SPOCK1: variants seen among roughly 807,000 people sequenced by gnomAD.
SPOCK1 encodes testican-1.
In SPOCK1, 23 loss-of-function variants were observed where a neutral mutation model predicts 55.3. That is an observed-to-expected ratio of 0.42 (90% CI 0.30 to 0.59). The LOEUF (loss-of-function observed/expected upper bound fraction) is 0.59, where lower values mean the gene tolerates loss of function less well. SPOCK1 is among the 20% of genes least tolerant of loss of function. The pLI, the probability that SPOCK1 is intolerant of heterozygous loss-of-function variation, is 0.22. For synonymous variants in SPOCK1, 226 were observed against 221.0 expected (o/e 1.02, Z -0.20); for missense variants, 499 against 552.5 (o/e 0.90, Z 0.97).
At chr5:137,311,943 C>T (rs925894595) in intron 2 of SPOCK1, among the ~76,000 whole-genome samples, 1 of 152,204 alleles carries the variant, frequency 6.6e-6, no homozygotes, top group African/African-American at 2.4e-5. Context: ...TGCCTGTGCC[C>T]TAATTTACTT....
chr5:137,152,207 G>A (rs1012254464), intron 3 of SPOCK1, among the ~76,000 whole-genome samples: 21 of 152,254 alleles, frequency 1.4e-4, no homozygotes, highest in Non-Finnish European at 2.2e-4. Flanking sequence ...CTGTTTTTAC[G>A]TTTTGTGTGT....
chr5:137,124,971 G>C (rs1185256132), intron 4 of SPOCK1, among the ~76,000 whole-genome samples: 1 of 152,148 alleles, frequency 6.6e-6, no homozygotes, highest in Non-Finnish European at 1.5e-5. Context: ...AGTTTCCCTG[G>C]GGAGTTTCAT....
At position 137,251,313 on chromosome 5, in the gene SPOCK1, T is replaced by C. The variant is rs542858207; in HGVS notation, c.232+15697A>G. On this transcript the variant is annotated intron_variant, in intron 3 of 10. Transcript: ENST00000394945. ...ACCCACACAATAAACTATTTTCTTG[T>C]TGTGTTGCCTGTTTGTTTTCAGGAA... Among the ~76,000 whole-genome samples, 6 of 152,304 alleles carry C rather than the reference T, an allele frequency of 3.9e-5. No individual in the cohort carries two copies. In the South Asian group the frequency reaches 6.2e-4, roughly 16 times the overall value.
intron 2 of SPOCK1, among the ~76,000 whole-genome samples, chr5:137,459,451 C>CTT (rs10642886): frequency 0.57 from 83,179 of 145,758 alleles, 24,121 homozygotes; most frequent in African/African-American, 0.69. Context: ...TAATGAAAGG[C>CTT]TTTTTTTTTT....
intron 2 of SPOCK1, among the ~76,000 whole-genome samples, chr5:137,442,412 G>A (rs1367024853): frequency 2.0e-5 from 3 of 152,324 alleles, no homozygotes; most frequent in Middle Eastern, 3.4e-3. Context: ...TATCAGCCAT[G>A]GGATCTTGTA....
chr5:137,341,028 A>G, intron 2 of SPOCK1, among the ~76,000 whole-genome samples: 1 of 152,320 alleles, frequency 6.6e-6, no homozygotes, highest in African/African-American at 2.4e-5. Context: ...CCACGGGACC[A>G]TAGGCCTGAT....
chr5:137,182,224 C>T (rs1754983406), intron 3 of SPOCK1, among the ~76,000 whole-genome samples: 1 of 152,058 alleles, frequency 6.6e-6, no homozygotes, highest in Non-Finnish European at 1.5e-5. Context: ...CTGTGATTTT[C>T]CTCACCTAAA....
intron 2 of SPOCK1, among the ~76,000 whole-genome samples, chr5:137,437,558 A>G (rs1250706831): frequency 6.6e-6 from 1 of 152,222 alleles, no homozygotes; most frequent in East Asian, 1.9e-4. Flanking sequence ...AAATTGTGGT[A>G]AAATATACAT....
At chr5:137,049,113 T>G (rs1217613617) in intron 6 of SPOCK1, among the ~76,000 whole-genome samples, 2 of 112,838 alleles carry the variant, frequency 1.8e-5, no homozygotes, top group East Asian at 6.2e-4. Context: ...CTGACAATTA[T>G]GTGTCTTGGA....
At chr5:137,160,264 C>T (rs1042467667) in intron 3 of SPOCK1, among the ~76,000 whole-genome samples, 1 of 147,506 alleles carries the variant, frequency 6.8e-6, no homozygotes, top group Non-Finnish European at 1.5e-5. Flanking sequence ...CCAATCTCAT[C>T]CAGGTCACTG....
chr5:137,314,200 G>T (rs1757837290), intron 2 of SPOCK1, among the ~76,000 whole-genome samples: 1 of 151,858 alleles, frequency 6.6e-6, no homozygotes, highest in African/African-American at 2.4e-5. Context: ...CCTTTTCTTG[G>T]CTCATTTTAA....
intron 3 of SPOCK1, among the ~76,000 whole-genome samples, chr5:137,187,099 C>T (rs1278392427): frequency 2.6e-5 from 4 of 152,152 alleles, no homozygotes; most frequent in African/African-American, 9.7e-5. Flanking sequence ...CTTTGCTGTT[C>T]CTTGGGGTCC....
At chr5:137,153,592 A>G (rs760811612) in intron 3 of SPOCK1, among the ~76,000 whole-genome samples, 4 of 152,072 alleles carry the variant, frequency 2.6e-5, no homozygotes, top group Non-Finnish European at 5.9e-5. Flanking sequence ...GGTGGCTCAT[A>G]CCTGTAATCC....
At chr5:137,377,106 CT>C (rs749886246) in intron 2 of SPOCK1, among the ~76,000 whole-genome samples, 1 of 152,158 alleles carries the variant, frequency 6.6e-6, no homozygotes, top group Non-Finnish European at 1.5e-5. Context: ...TGGATAAGCC[CT>C]CCTCCAATTT....
At position 137,325,047 on chromosome 5, in the gene SPOCK1, G is replaced by A. The variant is rs1318202698; in HGVS notation, c.187-57992C>T. Among the ~76,000 whole-genome samples the A allele has an allele frequency of 2.6e-5, 4 of 152,082 alleles. No individual in the cohort carries two copies. In the East Asian group the frequency reaches 7.7e-4, roughly 29 times the overall value. On this transcript the variant is annotated intron_variant, in intron 2 of 10. Transcript: ENST00000394945. ...CAGATCTTGAGTTTGATATATGTGT[G>A]TATAAACAAACAAAAATATGTCTGG...
At chr5:137,175,156 GA>G (rs2127060794) in intron 3 of SPOCK1, among the ~76,000 whole-genome samples, 1 of 152,316 alleles carries the variant, frequency 6.6e-6, no homozygotes, top group Non-Finnish European at 1.5e-5. Flanking sequence ...TGAAGAGGGA[GA>G]AATTACTACC....
intron 3 of SPOCK1, among the ~76,000 whole-genome samples, chr5:137,210,781 T>C (rs1054700210): frequency 6.6e-6 from 1 of 152,212 alleles, no homozygotes; most frequent in African/African-American, 2.4e-5. Context: ...CTTCTAATTC[T>C]GTTATTTGTA....
At chr5:137,169,689 C>T (rs1166910954) in intron 3 of SPOCK1, among the ~76,000 whole-genome samples, 1 of 152,186 alleles carries the variant, frequency 6.6e-6, no homozygotes, top group African/African-American at 2.4e-5. Flanking sequence ...TCAGAAAATA[C>T]AGGTGGTTTC....
intron 2 of SPOCK1, among the ~76,000 whole-genome samples, chr5:137,494,106 T>A (rs1048426166): frequency 6.6e-6 from 1 of 152,198 alleles, no homozygotes; most frequent in Non-Finnish European, 1.5e-5. Flanking sequence ...TATCCTAAAG[T>A]TAAATGTCAG....
Sources: gnomAD v4.1 joint callset for allele counts (sites outside exome capture counted in the v4.1 genomes callset) on GRCh38, gnomAD v4.1.1 for gene constraint, MANE v1.5 for transcripts, NCBI Gene and HGNC (gene_info 2026-07-23, HGNC 2026-07-21) for gene names.